Variants in CACNG2 observed in about 807,000 individuals in gnomAD.
CACNG2 encodes calcium voltage-gated channel auxiliary subunit gamma 2.
Under a neutral mutation model 25.9 loss-of-function variants are expected in CACNG2, and 3 were observed. That is an observed-to-expected ratio of 0.12 (90% confidence interval 0.05 to 0.30). The LOEUF (loss-of-function observed/expected upper bound fraction) is 0.30. Ranked by LOEUF, CACNG2 falls within the 10% of genes least tolerant of loss-of-function variation. CACNG2 has a pLI of 1.00. For missense variants in CACNG2, 341 were observed against 432.5 expected (o/e 0.79, Z 1.88); for synonymous variants, 167 against 173.3 (o/e 0.96, Z 0.29).
chr22:36,570,160 C>A (rs1252765836), intron 2 of CACNG2, among the ~76,000 whole-genome samples: 2 of 152,214 alleles, frequency 1.3e-5, no homozygotes, highest in Non-Finnish European at 2.9e-5. Flanking sequence ...CCCAGCTCAG[C>A]CCTCCTGCCA....
chr22:36,676,025 A>G (rs1324071435), intron 1 of CACNG2, among the ~76,000 whole-genome samples: 1 of 152,140 alleles, frequency 6.6e-6, no homozygotes, highest in African/African-American at 2.4e-5. Context: ...AGGGCTGGTG[A>G]GAAGTGATGT....
intron 1 of CACNG2, among the ~76,000 whole-genome samples, chr22:36,701,617 T>C (rs1937412874): frequency 6.7e-6 from 1 of 148,264 alleles, no homozygotes; most frequent in South Asian, 2.2e-4. Context: ...AGCTTCTGGC[T>C]GACAGACATG....
Position 36,606,889 on chromosome 22 carries a change from G to A in CACNG2, c.212-19341C>T, listed in dbSNP as rs1177651118. 6.6e-6 allele frequency among the ~76,000 whole-genome samples: 1 copy of A among 151,684 alleles called. No homozygotes were observed. Among genetic ancestry groups the A allele is most frequent in the Non-Finnish European group, 1.5e-5 (1 of 67,880 alleles). On this transcript the variant is annotated intron_variant, in intron 1 of 3. Transcript: ENST00000300105. This position sits in a 1 kb window ranked among gnomAD's most constrained non-coding sequence, Gnocchi z 5.7. ...TGTATGTCTGTGTGTGAGTCTGTGT[G>A]TGTGTCTGTGGTGTGTGTATGCATG... is the stretch of plus-strand genomic sequence containing the variant.
At chr22:36,635,882 C>G (rs1569036421) in intron 1 of CACNG2, among the ~76,000 whole-genome samples, 1 of 152,190 alleles carries the variant, frequency 6.6e-6, no homozygotes, top group African/African-American at 2.4e-5. Context: ...CACTCATCCT[C>G]ACATCCAATC....
At chr22:36,670,725 G>A (rs8136582) in intron 1 of CACNG2, among the ~76,000 whole-genome samples, 2,129 of 151,788 alleles carry the variant, frequency 0.014, 41 homozygotes, top group African/African-American at 0.049. Context: ...TCAACCTCCC[G>A]GGCTCAAGCG....
chr22:36,688,876 C>A (rs1937235461), intron 1 of CACNG2, among the ~76,000 whole-genome samples: 1 of 152,196 alleles, frequency 6.6e-6, no homozygotes, highest in African/African-American at 2.4e-5. Flanking sequence ...TCAGCAATAT[C>A]CCCAGGTGAT....
rs1603500167 is a variant in CACNG2 at position 36,564,895 on chromosome 22, C to T, written c.437-9G>A. Reference sequence around the variant, plus strand: ...AATGATGTTACTCAGACCTGCGGGGCGCAGGGTGGCGGGGTGGGGGATCAG... The same window carrying T: ...AATGATGTTACTCAGACCTGCGGGGTGCAGGGTGGCGGGGTGGGGGATCAG... On this transcript the variant is annotated splice_polypyrimidine_tract_variant and intron_variant, in intron 3 of 3. Coordinates refer to ENST00000300105, the MANE Select transcript of CACNG2 (RefSeq NM_006078.5). The surrounding 1 kb of genome is among the most constrained non-coding windows in gnomAD (Gnocchi z 6.7). 6.2e-7 allele frequency: 1 copy of T among 1,609,208 alleles called. No homozygotes were observed. Among genetic ancestry groups the T allele is most frequent in the Non-Finnish European group, 8.5e-7 (1 of 1,179,680 alleles).
At chr22:36,649,502 C>G (rs1161329672) in intron 1 of CACNG2, among the ~76,000 whole-genome samples, 1 of 152,190 alleles carries the variant, frequency 6.6e-6, no homozygotes, top group East Asian at 1.9e-4. Context: ...CCATGTTAGC[C>G]AGGCTAGTCT....
chr22:36,594,290 G>C (rs533316597), intron 1 of CACNG2, among the ~76,000 whole-genome samples: 6 of 152,332 alleles, frequency 3.9e-5, no homozygotes, highest in African/African-American at 1.4e-4. Flanking sequence ...AAGACAGATA[G>C]TACAGAACTT....
At chr22:36,634,555 T>C (rs1262504537) in intron 1 of CACNG2, among the ~76,000 whole-genome samples, 1 of 152,256 alleles carries the variant, frequency 6.6e-6, no homozygotes, top group African/African-American at 2.4e-5. Flanking sequence ...ATTACCCTGA[T>C]ACCTTTGCAA....
intron 2 of CACNG2, among the ~76,000 whole-genome samples, chr22:36,584,304 A>T (rs2145919996): frequency 6.6e-6 from 1 of 152,302 alleles, no homozygotes; most frequent in South Asian, 2.1e-4. Flanking sequence ...ATACAAAAAA[A>T]TTAGCCAGGC....
rs143210941 is a variant in CACNG2, at chr22:36,620,339, C to T, written c.212-32791G>A. The stretch of plus-strand genomic sequence containing the variant: ...GATGGTCCTCTGGGATGCAATTGAA[C>T]GACTTTCCACTAAGTGATAGCAAAA... On this transcript the variant is annotated intron_variant, in intron 1 of 3. Transcript: ENST00000300105. Among the ~76,000 whole-genome samples the T allele has an allele frequency of 1.4e-4, 22 of 152,294 alleles. No homozygotes were observed. In the East Asian group the frequency reaches 3.1e-3, roughly 21 times the overall value.
At chr22:36,653,780 A>G (rs1217485761) in intron 1 of CACNG2, among the ~76,000 whole-genome samples, 1 of 152,088 alleles carries the variant, frequency 6.6e-6, no homozygotes, top group African/African-American at 2.4e-5. Context: ...GACCTTCAGG[A>G]CCAGGAGGGC....
intron 1 of CACNG2, among the ~76,000 whole-genome samples, chr22:36,670,630 T>TTTTTGTTTGTTTGTTTTG (rs113777902): frequency 5.6e-4 from 84 of 151,312 alleles, no homozygotes; most frequent in Middle Eastern, 6.9e-3. Context: ...TGTTTTTGTT[T>TTTTTGTTTGTTTGTTTTG]TTTTGTTTTG....
At chr22:36,632,719 T>C (rs1936294451) in intron 1 of CACNG2, among the ~76,000 whole-genome samples, 1 of 152,088 alleles carries the variant, frequency 6.6e-6, no homozygotes, top group Non-Finnish European at 1.5e-5. Flanking sequence ...CGCTTGGTTC[T>C]CTTCCTACCT....
chr22:36,600,105 C>G (rs754989971), intron 1 of CACNG2, among the ~76,000 whole-genome samples: 10 of 152,168 alleles, frequency 6.6e-5, no homozygotes, highest in Non-Finnish European at 8.8e-5. Context: ...ATGAGACAAT[C>G]TTGAGAATGG....
intron 1 of CACNG2, among the ~76,000 whole-genome samples, chr22:36,688,491 G>A (rs1017497766): frequency 7.0e-6 from 1 of 143,674 alleles, no homozygotes. Context: ...AGTGAGCCAT[G>A]ATTGCACCAC....
At chr22:36,639,221 T>A (rs1936405129) in intron 1 of CACNG2, among the ~76,000 whole-genome samples, 1 of 152,226 alleles carries the variant, frequency 6.6e-6, no homozygotes, top group African/African-American at 2.4e-5. Context: ...GTGGGGCTGT[T>A]TTGATATGAA....
Position 36,657,047 on chromosome 22 carries a change from A to T in CACNG2, c.211+45319T>A, listed in dbSNP as rs1936717781. On this transcript the variant is annotated intron_variant, in intron 1 of 3. Transcript: ENST00000300105. ...GCCCGGAAGAGCATCTGGCACACAG[A>T]AGTGCTCGACAGTGATTTGTGGAAT... 2.6e-5 allele frequency among the ~76,000 whole-genome samples: 4 copies of T among 152,198 alleles called. No individual in the cohort carries two copies. The South Asian group carries it at 8.3e-4, about 32-fold the overall frequency.
Sources: gnomAD v4.1 joint callset for allele counts (sites outside exome capture counted in the v4.1 genomes callset) on GRCh38, gnomAD v4.1.1 for gene constraint, Gnocchi (gnomAD v3.1) non-coding constraint, MANE v1.5 for transcripts, NCBI Gene and HGNC (gene_info 2026-07-23, HGNC 2026-07-21) for gene names.